The following KCNQ1OT1 variants were observed in gnomAD, a reference collection of about 807,000 sequenced individuals.
The protein encoded by KCNQ1OT1 is KCNQ1 opposite strand/antisense transcript 1.
Position 2,620,202 on chromosome 11 carries a change from T to C in KCNQ1OT1, n.79793A>G. ...CAAAGGACGTAAGTTCATTCATGTA[T>C]ATATATATATTTTTTTTTTTTATTT... On this transcript the variant is annotated non_coding_transcript_exon_variant, in exon 1 of 1. Transcript: ENST00000597346. The surrounding 1 kb of genome is among the most constrained non-coding windows in gnomAD (Gnocchi z 4.5). 3.2e-6 allele frequency: 1 copy of C among 313,628 alleles called. No homozygotes were observed. The highest frequency in any genetic ancestry group is 5.4e-6 in the Non-Finnish European group (1 of 184,032). 19.4% of individuals were successfully genotyped at this position (313,628 alleles called of 1,614,324 possible).
exon 1 of KCNQ1OT1, chr11:2,648,981 C>CTTTTTTTTTTTTTTTTTTTTTTTATTTT: frequency 4.7e-6 from 1 of 213,306 alleles, no homozygotes; most frequent in Non-Finnish European, 7.8e-6. Context: ...TTTTCTTTTT[C>CTTTTTTTTTTTTTTTTTTTTTTTATTTT]TTTTTTTTTT....
exon 1 of KCNQ1OT1, chr11:2,632,189 A>C: frequency 5.1e-6 from 2 of 395,898 alleles, no homozygotes; most frequent in Non-Finnish European, 8.9e-6. Context: ...CCTCAAAAAA[A>C]AAAAAAAAAA....
At position 2,651,098 on chromosome 11, in the gene KCNQ1OT1, C is replaced by T; in HGVS notation, n.48897G>A. 1 of 398,748 alleles carries T rather than the reference C, an allele frequency of 2.5e-6. No individual in the cohort carries two copies. The highest frequency in any genetic ancestry group is 4.4e-6 in the Non-Finnish European group (1 of 226,128). 24.7% of individuals were successfully genotyped at this position (398,748 alleles called of 1,614,324 possible). A position where few individuals can be genotyped will look rare whatever the true frequency, so the allele number is the denominator to read the frequency against. ...CATTACTGGTCTCTTGATTTCCACT[C>T]TTGCTTCCTGTACTCCATTCTTCAC... is the stretch of plus-strand genomic sequence containing the variant. On this transcript the variant is annotated non_coding_transcript_exon_variant, in exon 1 of 1. Transcript: ENST00000597346. The surrounding 1 kb of genome is among the most constrained non-coding windows in gnomAD (Gnocchi z 6.1).
rs1228621004 is a variant in KCNQ1OT1, at chr11:2,653,580, C to T, written n.46415G>A. On this transcript the variant is annotated non_coding_transcript_exon_variant, in exon 1 of 1. Coordinates refer to ENST00000597346, the Ensembl canonical transcript of KCNQ1OT1. The surrounding 1 kb of genome is among the most constrained non-coding windows in gnomAD (Gnocchi z 5.3). ...CTTCCCGTTCCCTCTTTTGTTCTCC[C>T]TTTCCCTTGCTCTCTATCCATTGGC... The T allele has an allele frequency of 1.3e-5, 5 of 398,682 alleles. No homozygotes were observed. The Admixed American group carries it at 1.8e-4, about 14-fold the overall frequency. The allele number at this position is 398,682 out of a possible 1,614,324, so 24.7% of individuals were successfully genotyped here.
exon 1 of KCNQ1OT1, chr11:2,630,052 G>A: frequency 2.5e-6 from 1 of 398,382 alleles, no homozygotes; most frequent in Non-Finnish European, 4.4e-6. Context: ...TTAGCTGTGG[G>A]CTATTCATAT....
rs1850305721 is a variant in KCNQ1OT1 at position 2,677,014 on chromosome 11, G to C, written n.22981C>G. On this transcript the variant is annotated non_coding_transcript_exon_variant, in exon 1 of 1. Transcript: ENST00000597346. This position sits in a 1 kb window ranked among gnomAD's most constrained non-coding sequence, Gnocchi z 4.5. ...AGAGTTTCATTGTGCCATGATTTAT[G>C]GAACAGATCCTCTGTTGATGGATAT... is the stretch of plus-strand genomic sequence containing the variant. 1 of 398,470 alleles carries C rather than the reference G, an allele frequency of 2.5e-6. No individual in the cohort carries two copies. Among genetic ancestry groups the C allele is most frequent in the African/African-American group, 2.1e-5 (1 of 48,624 alleles). 24.7% of individuals were successfully genotyped at this position (398,470 alleles called of 1,614,324 possible). A position where few individuals can be genotyped will look rare whatever the true frequency, so the allele number is the denominator to read the frequency against.
In KCNQ1OT1 at chr11:2,663,531, G is replaced by A. The variant is rs1850007653; in HGVS notation, n.36464C>T. ...GTATTGCCTCTTGGCTGTCCCCTCA[G>A]AGAGGGGACTGTCCCTTCTCATCCT... On this transcript the variant is annotated non_coding_transcript_exon_variant, in exon 1 of 1. Transcript: ENST00000597346. This position sits in a 1 kb window ranked among gnomAD's most constrained non-coding sequence, Gnocchi z 5.2. 7.5e-6 allele frequency: 3 copies of A among 398,630 alleles called. No homozygotes were observed. In the East Asian group the frequency reaches 1.1e-4, roughly 14 times the overall value. 24.7% of individuals were successfully genotyped at this position (398,630 alleles called of 1,614,324 possible). A position where few individuals can be genotyped will look rare whatever the true frequency, so the allele number is the denominator to read the frequency against.
chr11:2,669,042 TG>T lies in KCNQ1OT1; in HGVS notation n.30952del. Reference sequence around the variant, plus strand: ...ATCCAGTCTAGCTCAGCACCCGGCATGGGAAGGCCCGTCCTCTCCCAACTAC... The same window carrying T: ...ATCCAGTCTAGCTCAGCACCCGGCATGGAAGGCCCGTCCTCTCCCAACTAC... On this transcript the variant is annotated non_coding_transcript_exon_variant, in exon 1 of 1. Coordinates refer to ENST00000597346, the Ensembl canonical transcript of KCNQ1OT1. This position sits in a 1 kb window ranked among gnomAD's most constrained non-coding sequence, Gnocchi z 5.6. The T allele has an allele frequency of 2.5e-6, 1 of 398,720 alleles. No individual in the cohort carries two copies. The allele number at this position is 398,720 out of a possible 1,614,324, so 24.7% of individuals were successfully genotyped here. A position where few individuals can be genotyped will look rare whatever the true frequency, so the allele number is the denominator to read the frequency against.
Position 2,676,612 on chromosome 11 carries a change from A to C in KCNQ1OT1, n.23383T>G. On this transcript the variant is annotated non_coding_transcript_exon_variant, in exon 1 of 1. Coordinates refer to ENST00000597346, the Ensembl canonical transcript of KCNQ1OT1. This position sits in a 1 kb window ranked among gnomAD's most constrained non-coding sequence, Gnocchi z 4.2. ...CAGCCAGCTCTCCAAAGAGGCCTCT[A>C]AGAAATGGGTAGCTTCACAGATTCA... 2.5e-6 allele frequency: 1 copy of C among 398,680 alleles called. No homozygotes were observed. Among genetic ancestry groups the C allele is most frequent in the East Asian group, 3.6e-5 (1 of 28,082 alleles). The allele number at this position is 398,680 out of a possible 1,614,324, so 24.7% of individuals were successfully genotyped here. A position where few individuals can be genotyped will look rare whatever the true frequency, so the allele number is the denominator to read the frequency against.
At position 2,677,404 on chromosome 11, in the gene KCNQ1OT1, TA is replaced by T; in HGVS notation, n.22590del. On this transcript the variant is annotated non_coding_transcript_exon_variant, in exon 1 of 1. Coordinates refer to ENST00000597346, the Ensembl canonical transcript of KCNQ1OT1. The surrounding 1 kb of genome is among the most constrained non-coding windows in gnomAD (Gnocchi z 4.5). ...GAGGAAACCAAGATCGATGCCTAGA[TA>T]AGCATTTCAGAGGACAGCAGGGGAG... is the stretch of plus-strand genomic sequence containing the variant. 2.5e-6 allele frequency: 1 copy of T among 398,534 alleles called. No homozygotes were observed. The highest frequency in any genetic ancestry group is 2.1e-5 in the African/African-American group (1 of 48,706). 24.7% of individuals were successfully genotyped at this position (398,534 alleles called of 1,614,324 possible). A position where few individuals can be genotyped will look rare whatever the true frequency, so the allele number is the denominator to read the frequency against.
At position 2,670,587 on chromosome 11, in the gene KCNQ1OT1, G is replaced by A. The variant is rs1054110148; in HGVS notation, n.29408C>T. 45 of 398,316 alleles carry A rather than the reference G, an allele frequency of 1.1e-4. No individual in the cohort carries two copies. Among genetic ancestry groups the A allele is most frequent in the African/African-American group, 9.1e-4 (44 of 48,602 alleles). The allele number at this position is 398,316 out of a possible 1,614,324, so 24.7% of individuals were successfully genotyped here. Reference sequence around the variant, plus strand: ...CTGGGAGATAGGAGCAGAAGCCAGGGCTCATTCCCAGACACACAATCTCTG... The same window carrying A: ...CTGGGAGATAGGAGCAGAAGCCAGGACTCATTCCCAGACACACAATCTCTG... On this transcript the variant is annotated non_coding_transcript_exon_variant, in exon 1 of 1. Coordinates refer to ENST00000597346, the Ensembl canonical transcript of KCNQ1OT1. The surrounding 1 kb of genome is among the most constrained non-coding windows in gnomAD (Gnocchi z 4.9).
chr11:2,616,328 T>C (rs2133797560), exon 1 of KCNQ1OT1: 1 of 397,984 alleles, frequency 2.5e-6, no homozygotes, highest in Non-Finnish European at 4.4e-6. Flanking sequence ...TTTGATCTTT[T>C]CAAAAACAAG....
chr11:2,663,968 A>G lies in KCNQ1OT1; in HGVS notation n.36027T>C, dbSNP rs1278691266. The G allele has an allele frequency of 1.3e-5, 5 of 398,600 alleles. No individual in the cohort carries two copies. Among genetic ancestry groups the G allele is most frequent in the Non-Finnish European group, 2.2e-5 (5 of 226,128 alleles). The allele number at this position is 398,600 out of a possible 1,614,324, so 24.7% of individuals were successfully genotyped here. A position where few individuals can be genotyped will look rare whatever the true frequency, so the allele number is the denominator to read the frequency against. On this transcript the variant is annotated non_coding_transcript_exon_variant, in exon 1 of 1. Coordinates refer to ENST00000597346, the Ensembl canonical transcript of KCNQ1OT1. This position sits in a 1 kb window ranked among gnomAD's most constrained non-coding sequence, Gnocchi z 5.2. ...ATGACAGGGCCTGAGAGACCTGAAC[A>G]TCCATCCCCAAGCTCTCTGCCCACT...
chr11:2,649,169 C>T, exon 1 of KCNQ1OT1: 1 of 397,938 alleles, frequency 2.5e-6, no homozygotes, highest in East Asian at 3.6e-5. Context: ...TTCATTTAGC[C>T]AGTATCTATC....
rs910051796 is a variant in KCNQ1OT1, at chr11:2,676,513, C to T, written n.23482G>A. 7 of 398,594 alleles carry T rather than the reference C, an allele frequency of 1.8e-5. No homozygotes were observed. The highest frequency in any genetic ancestry group is 3.1e-5 in the Non-Finnish European group (7 of 226,076). The allele number at this position is 398,594 out of a possible 1,614,324, so 24.7% of individuals were successfully genotyped here. ...GTTCCATTTCTGGTGAACACTTGGA[C>T]TTGGCAAAAGGCATAGAGGTAGTGG... On this transcript the variant is annotated non_coding_transcript_exon_variant, in exon 1 of 1. Coordinates refer to ENST00000597346, the Ensembl canonical transcript of KCNQ1OT1. The surrounding 1 kb of genome is among the most constrained non-coding windows in gnomAD (Gnocchi z 4.2).
At chr11:2,628,215 G>C in exon 1 of KCNQ1OT1, 1 of 398,568 alleles carries the variant, frequency 2.5e-6, no homozygotes, top group East Asian at 3.6e-5. Context: ...AATCTATCGT[G>C]TTTTCCATAA....
At position 2,653,185 on chromosome 11, in the gene KCNQ1OT1, C is replaced by G. The variant is rs921159101; in HGVS notation, n.46810G>C. The G allele has an allele frequency of 7.5e-6, 3 of 398,614 alleles. No individual in the cohort carries two copies. Among genetic ancestry groups the G allele is most frequent in the African/African-American group, 2.1e-5 (1 of 48,654 alleles). 24.7% of individuals were successfully genotyped at this position (398,614 alleles called of 1,614,324 possible). ...CTTAGGAAATCCCTTTCCAAGAGTT[C>G]CCTGTGCTGTTGCAGGGCTAGGGCC... On this transcript the variant is annotated non_coding_transcript_exon_variant, in exon 1 of 1. Coordinates refer to ENST00000597346, the Ensembl canonical transcript of KCNQ1OT1. The surrounding 1 kb of genome is among the most constrained non-coding windows in gnomAD (Gnocchi z 5.3).
In KCNQ1OT1 at chr11:2,611,168, G is replaced by A; in HGVS notation, n.88827C>T. On this transcript the variant is annotated non_coding_transcript_exon_variant, in exon 1 of 1. Transcript: ENST00000597346. The surrounding 1 kb of genome is among the most constrained non-coding windows in gnomAD (Gnocchi z 5.3). ...TTTTGTCATTGTAAAATGCTTCTCA[G>A]TATCTCTAATAACATGGTTTGTTTT... The A allele has an allele frequency of 2.5e-6, 1 of 398,290 alleles. No individual in the cohort carries two copies. The allele number at this position is 398,290 out of a possible 1,614,324, so 24.7% of individuals were successfully genotyped here. A position where few individuals can be genotyped will look rare whatever the true frequency, so the allele number is the denominator to read the frequency against.
exon 1 of KCNQ1OT1, chr11:2,675,125 C>T (rs1428557555): frequency 3.3e-5 from 13 of 398,526 alleles, no homozygotes; most frequent in African/African-American, 2.7e-4. Flanking sequence ...GTTCACTAGC[C>T]TCTTTCTCCC....
Sources: gnomAD v4.1 joint callset for allele counts on GRCh38, gnomAD v4.1.1 for gene constraint, Gnocchi (gnomAD v3.1) non-coding constraint, MANE v1.5 for transcripts, NCBI Gene and HGNC (gene_info 2026-07-23, HGNC 2026-07-21) for gene names.